The following CA10 variants were observed in gnomAD, a reference collection of about 807,000 sequenced individuals.
CA10 encodes the protein carbonic anhydrase 10 (inactive).
CA10 carries 14 observed loss-of-function variants against 44.2 expected under a neutral mutation model. That is an observed-to-expected ratio of 0.32 (90% confidence interval 0.21 to 0.50). The LOEUF is 0.50. CA10 is among the 20% of genes least tolerant of loss of function. The probability of loss-of-function intolerance (pLI) is 0.99; values close to 1 mark genes in which losing one functional copy is unlikely to be tolerated. For missense variants in CA10, 350 were observed against 409.7 expected (o/e 0.85, Z 1.26); for synonymous variants, 159 against 141.6 (o/e 1.12, Z -0.87).
rs192025700 is a variant in CA10, at chr17:52,136,937, A to G, written c.61+20789T>C. ...AATACCTCAGTTGTAAAATAATGTG[A>G]TCTTTTACTAAATGAACTGGTAATT... On this transcript the variant is annotated intron_variant, in intron 1 of 8. Transcript: ENST00000451037. 7.0e-4 allele frequency among the ~76,000 whole-genome samples: 106 copies of G among 152,336 alleles called. 1 individual carries two copies. The highest frequency in any genetic ancestry group is 8.5e-4 in the Non-Finnish European group (58 of 68,024).
intron 3 of CA10, among the ~76,000 whole-genome samples, chr17:51,818,584 T>C (rs1598060574): frequency 1.3e-5 from 2 of 152,304 alleles, no homozygotes; most frequent in African/African-American, 4.8e-5. Context: ...CCCTGTGTTC[T>C]CCACACTACT....
intron 3 of CA10, among the ~76,000 whole-genome samples, chr17:51,751,310 G>C (rs1431548808): frequency 6.6e-6 from 1 of 152,174 alleles, no homozygotes; most frequent in Non-Finnish European, 1.5e-5. Flanking sequence ...TAAAGTTTCA[G>C]TTTTGCAAAA....
intron 3 of CA10, among the ~76,000 whole-genome samples, chr17:51,786,649 TGATTGCTCTTGCTA>T (rs149975929): frequency 0.025 from 3,832 of 152,308 alleles, 158 homozygotes; most frequent in African/African-American, 0.086. Context: ...TTCTCTTGCC[TGATTGCTCTTGCTA>T]GGAATTCCAG....
intron 3 of CA10, among the ~76,000 whole-genome samples, chr17:51,798,100 C>T (rs1456542799): frequency 2.0e-5 from 3 of 152,158 alleles, no homozygotes; most frequent in Admixed American, 6.5e-5. Context: ...TTTGCTCCTT[C>T]GCACAATGCA....
intron 2 of CA10, among the ~76,000 whole-genome samples, chr17:52,051,401 C>T (rs1447062593): frequency 6.6e-6 from 1 of 151,734 alleles, no homozygotes; most frequent in Non-Finnish European, 1.5e-5. Flanking sequence ...AACTACACAT[C>T]CTACAAAGGT....
chr17:51,663,239 T>C (rs78412158), intron 4 of CA10, among the ~76,000 whole-genome samples: 1 of 398 alleles, frequency 2.5e-3, no homozygotes, highest in Admixed American at 0.033. Flanking sequence ...TCGAGACCAC[T>C]TTTTCTCGAT....
chr17:52,079,518 A>T (rs1468206993), intron 1 of CA10, among the ~76,000 whole-genome samples: 1 of 152,066 alleles, frequency 6.6e-6, no homozygotes, highest in Non-Finnish European at 1.5e-5. Flanking sequence ...GTGCCAGAAA[A>T]ATATTGGGTG....
intron 1 of CA10, among the ~76,000 whole-genome samples, chr17:52,075,369 T>C (rs1028873188): frequency 3.3e-5 from 5 of 152,194 alleles, no homozygotes; most frequent in African/African-American, 1.2e-4. Flanking sequence ...CAATGGTATG[T>C]GGTTTTCCAA....
At chr17:51,785,482 A>G (rs1448353810) in intron 3 of CA10, among the ~76,000 whole-genome samples, 2 of 152,234 alleles carry the variant, frequency 1.3e-5, no homozygotes, top group African/African-American at 4.8e-5. Flanking sequence ...ATCTCACCCC[A>G]GTTAAAAATT....
At chr17:52,130,802 A>G (rs545440734) in intron 1 of CA10, among the ~76,000 whole-genome samples, 3 of 152,120 alleles carry the variant, frequency 2.0e-5, no homozygotes, top group South Asian at 2.1e-4. Context: ...GGCTCAAGTG[A>G]TCCTTCCACC....
At chr17:51,945,661 TTAG>T (rs1983246016) in intron 2 of CA10, among the ~76,000 whole-genome samples, 1 of 152,088 alleles carries the variant, frequency 6.6e-6, no homozygotes, top group Admixed American at 6.6e-5. Context: ...ATAAAACCAC[TTAG>T]TAGAGCTAGC....
intron 1 of CA10, among the ~76,000 whole-genome samples, chr17:52,109,468 A>T (rs949008998): frequency 6.6e-6 from 1 of 152,222 alleles, no homozygotes; most frequent in African/African-American, 2.4e-5. Flanking sequence ...CAGTGTGAGT[A>T]CCTTCCAGAA....
intron 7 of CA10, among the ~76,000 whole-genome samples, chr17:51,635,023 C>T (rs555369977): frequency 6.6e-6 from 1 of 152,240 alleles, no homozygotes; most frequent in African/African-American, 2.4e-5. Flanking sequence ...ATCGTGTACC[C>T]CTGAAATTCA....
In CA10 at chr17:52,042,036, T is replaced by C. The variant is rs548270157; in HGVS notation, c.136+30283A>G. 1.2e-3 allele frequency among the ~76,000 whole-genome samples: 185 copies of C among 152,232 alleles called. 4 individuals carry two copies. In the South Asian group the frequency reaches 0.022, roughly 18 times the overall value. On this transcript the variant is annotated intron_variant, in intron 2 of 8. Transcript: ENST00000451037. ...GATTGTTTCCATCTCTTGGCTATAA[T>C]GGATAGTGCTCCAATGAACATGACA...
At chr17:51,907,669 T>C (rs2143943758) in intron 3 of CA10, among the ~76,000 whole-genome samples, 1 of 152,246 alleles carries the variant, frequency 6.6e-6, no homozygotes, top group Middle Eastern at 3.4e-3. Context: ...AGTCAATGAC[T>C]GACCTATACA....
chr17:52,092,056 T>C (rs1232360438), intron 1 of CA10, among the ~76,000 whole-genome samples: 1 of 149,958 alleles, frequency 6.7e-6, no homozygotes, highest in African/African-American at 2.5e-5. Context: ...AACCTGTCTT[T>C]CTCTTTCTCT....
chr17:51,948,206 G>T (rs755051306), intron 2 of CA10, among the ~76,000 whole-genome samples: 1 of 152,022 alleles, frequency 6.6e-6, no homozygotes, highest in African/African-American at 2.4e-5. Flanking sequence ...TCTACACTCC[G>T]CCTGTATTGC....
At chr17:51,649,054 T>G in intron 6 of CA10, 128 bp downstream of exon 6, 2 of 652,740 alleles carry the variant, frequency 3.1e-6, no homozygotes, top group Non-Finnish European at 5.4e-6. Flanking sequence ...CCAGAGTGAC[T>G]TTCTACAGAA....
At chr17:51,812,320 T>C (rs1271984607) in intron 3 of CA10, among the ~76,000 whole-genome samples, 2 of 152,242 alleles carry the variant, frequency 1.3e-5, no homozygotes, top group Non-Finnish European at 2.9e-5. Flanking sequence ...CTGGAGTACA[T>C]TAGCATTGGT....
Sources: gnomAD v4.1 joint callset for allele counts (sites outside exome capture counted in the v4.1 genomes callset) on GRCh38, gnomAD v4.1.1 for gene constraint, MANE v1.5 for transcripts, NCBI Gene and HGNC (gene_info 2026-07-23, HGNC 2026-07-21) for gene names.